CCM2: variants seen among roughly 807,000 people sequenced by gnomAD.
CCM2 encodes cerebral cavernous malformations 2 protein.
CCM2 carries 25 observed loss-of-function variants against 44.9 expected under a neutral mutation model. That is an observed-to-expected ratio of 0.56 (90% CI 0.41 to 0.78). The LOEUF (loss-of-function observed/expected upper bound fraction) is 0.78. CCM2 is among the 30% of genes least tolerant of loss of function. CCM2 has a pLI of 0.00. For missense variants in CCM2, 481 were observed against 580.6 expected (o/e 0.83, Z 1.76); for synonymous variants, 219 against 241.1 (o/e 0.91, Z 0.85).
chr7:45,055,227 T>C lies in CCM2; in HGVS notation c.205-8691T>C, dbSNP rs113347521. 6.5e-3 allele frequency among the ~76,000 whole-genome samples: 994 copies of C among 152,330 alleles called. 16 individuals carry two copies. The highest frequency in any genetic ancestry group is 0.023 in the African/African-American group (937 of 41,558). On this transcript the variant is annotated intron_variant, in intron 2 of 9. Transcript: ENST00000258781. ...TGTAAACATAATTCCGGGGTACTTT[T>C]GTTTCAGCAAAGCACTTGACATATG... is the stretch of plus-strand genomic sequence containing the variant.
chr7:45,005,565 G>A (rs1219368411), intron 1 of CCM2, among the ~76,000 whole-genome samples: 1 of 152,032 alleles, frequency 6.6e-6, no homozygotes, highest in Non-Finnish European at 1.5e-5. Context: ...TGCAGTGTAA[G>A]TAAATGGTCA....
intron 1 of CCM2, among the ~76,000 whole-genome samples, chr7:45,020,761 TGTTAA>T (rs1225916479): frequency 1.3e-5 from 2 of 152,190 alleles, no homozygotes; most frequent in Non-Finnish European, 2.9e-5. Context: ...AAAATGAACT[TGTTAA>T]GTTTTCTTAC....
chr7:45,073,626 A>T, intron 8 of CCM2, 55 bp downstream of exon 8: 1 of 1,240,744 alleles, frequency 8.1e-7, no homozygotes, highest in Non-Finnish European at 1.2e-6. Flanking sequence ...TGCCCCAGGG[A>T]GGATGGGGGG....
intron 1 of CCM2, among the ~76,000 whole-genome samples, chr7:45,034,603 C>T (rs1007589332): frequency 3.4e-5 from 5 of 148,146 alleles, no homozygotes; most frequent in Non-Finnish European, 7.4e-5. Flanking sequence ...ACTGCAACCT[C>T]CGCTTCCCCG....
chr7:45,076,190 C>T lies in CCM2; in HGVS notation c.*133C>T, dbSNP rs773864059. 31 of 1,274,144 alleles carry T rather than the reference C, an allele frequency of 2.4e-5. No individual in the cohort carries two copies. Among genetic ancestry groups the T allele is most frequent in the South Asian group, 6.4e-5 (5 of 78,718 alleles). 78.9% of individuals were successfully genotyped at this position (1,274,144 alleles called of 1,614,324 possible). A position where few individuals can be genotyped will look rare whatever the true frequency, so the allele number is the denominator to read the frequency against. On this transcript the variant is annotated 3_prime_UTR_variant, in exon 10 of 10. Coordinates refer to ENST00000258781, the MANE Select transcript of CCM2 (RefSeq NM_031443.4). ...GGCGCCCGGTGCAGATGGCCCCGGG[C>T]GGCCCAGGTCCTCTACTGTGAAGGA...
intron 1 of CCM2, among the ~76,000 whole-genome samples, chr7:45,033,791 G>A (rs560517753): frequency 2.8e-5 from 3 of 107,510 alleles, no homozygotes; most frequent in African/African-American, 1.2e-4. Context: ...ATACACATTT[G>A]AAAAGTAATT....
Position 45,068,555 on chromosome 7 carries a change from G to C in CCM2, c.585G>C (p.Leu195=). The part of the protein sequence containing the change: ...SAVGPVEACC[L]VILAAESKVA... The stretch of plus-strand genomic sequence containing the variant: ...TTGGGCCCGTGGAGGCATGCTGCCT[G>C]GTCATCCTGGCTGCAGAGAGCAAGG... Residue 195 remains leucine, a synonymous_variant, in exon 5 of 10, where the codon CTG becomes CTC. Transcript: ENST00000258781. The C allele has an allele frequency of 6.2e-7, 1 of 1,614,076 alleles. No homozygotes were observed. The highest frequency in any genetic ancestry group is 8.5e-7 in the Non-Finnish European group (1 of 1,180,012).
At chr7:45,024,480 T>G (rs1002100880) in intron 1 of CCM2, among the ~76,000 whole-genome samples, 2 of 152,230 alleles carry the variant, frequency 1.3e-5, no homozygotes, top group Admixed American at 6.5e-5. Context: ...TTTTCTCTGC[T>G]TCCTGGGTTG....
intron 1 of CCM2, among the ~76,000 whole-genome samples, chr7:45,005,954 G>C (rs1262561968): frequency 6.6e-6 from 1 of 152,206 alleles, no homozygotes; most frequent in Non-Finnish European, 1.5e-5. Flanking sequence ...CACTGGAGGT[G>C]TTCCACATCA....
rs1799236767 is a variant in CCM2 at position 45,074,337 on chromosome 7, G to A, written c.983G>A (p.Gly328Glu). ...GCACTGCTGCACGAGTACCGCAATG[G>A]GGCCTCTATCCACGAGTTCTGCATC... Reference protein sequence around the residue: ...FAALLHEYRNGASIHEFCINL... With the variant: ...FAALLHEYRNEASIHEFCINL... The change falls in exon 9 of 10, where the codon GGG (glycine) becomes GAG (glutamate). Residue 328 changes from glycine to glutamate, a missense_variant. Coordinates refer to ENST00000258781, the MANE Select transcript of CCM2 (RefSeq NM_031443.4). The A allele has an allele frequency of 6.2e-7, 1 of 1,613,686 alleles. No homozygotes were observed. Among genetic ancestry groups the A allele is most frequent in the Non-Finnish European group, 8.5e-7 (1 of 1,180,042 alleles).
At chr7:45,052,473 T>G (rs975090562) in intron 2 of CCM2, among the ~76,000 whole-genome samples, 119 of 152,148 alleles carry the variant, frequency 7.8e-4, no homozygotes, top group African/African-American at 2.8e-3. Flanking sequence ...TCAGAACAGG[T>G]CCGCTGGGAA....
intron 1 of CCM2, among the ~76,000 whole-genome samples, chr7:45,033,917 T>C (rs1353419721): frequency 6.6e-6 from 1 of 152,186 alleles, no homozygotes; most frequent in Non-Finnish European, 1.5e-5. Context: ...TAAAATTGCA[T>C]CACTAAATTT....
At chr7:45,009,203 A>G (rs950668020) in intron 1 of CCM2, among the ~76,000 whole-genome samples, 4 of 147,938 alleles carry the variant, frequency 2.7e-5, no homozygotes, top group South Asian at 2.3e-4. Context: ...CCAGAGGCTG[A>G]GGCAGGAGAA....
At chr7:45,066,901 ATTTT>A (rs34087646) in intron 4 of CCM2, among the ~76,000 whole-genome samples, 1 of 143,712 alleles carries the variant, frequency 7.0e-6, no homozygotes, top group Non-Finnish European at 1.5e-5. Context: ...AAACCAGTAA[ATTTT>A]TTTTTTTTTT....
intron 1 of CCM2, chr7:45,027,120 G>T: frequency 5.7e-6 from 1 of 175,474 alleles, no homozygotes; most frequent in Non-Finnish European, 1.2e-5. Context: ...GCACTTGTAG[G>T]CTGAGGACCC....
At position 45,000,279 on chromosome 7, in the gene CCM2, G is replaced by A; in HGVS notation, c.-55G>A. The A allele has an allele frequency of 1.7e-6, 2 of 1,168,620 alleles. No individual in the cohort carries two copies. Among genetic ancestry groups the A allele is most frequent in the Non-Finnish European group, 2.1e-6 (2 of 936,750 alleles). 72.4% of individuals were successfully genotyped at this position (1,168,620 alleles called of 1,614,324 possible). ...CCGGGTCGAGCATGTAGCGGCTGCT[G>A]GCGGCGGGGCTCCCGGGGCGGGCCG... On this transcript the variant is annotated 5_prime_UTR_variant, in exon 1 of 10. Transcript: ENST00000258781.
rs1467399568 is a variant in CCM2 at position 45,076,410 on chromosome 7, T to C, written c.*353T>C. On this transcript the variant is annotated 3_prime_UTR_variant, in exon 10 of 10. Transcript: ENST00000258781. ...GCACATGATGTTCCTATTGTAACTCTCAGAGACCTTAAAAAGAAGTTTACT... is the reference window on the plus strand; with the variant it reads ...GCACATGATGTTCCTATTGTAACTCCCAGAGACCTTAAAAAGAAGTTTACT... 2 of 427,974 alleles carry C rather than the reference T, an allele frequency of 4.7e-6. No individual in the cohort carries two copies. The highest frequency in any genetic ancestry group is 8.9e-6 in the Non-Finnish European group (2 of 225,102). 26.5% of individuals were successfully genotyped at this position (427,974 alleles called of 1,614,324 possible).
chr7:45,019,213 A>G lies in CCM2; in HGVS notation c.30+18850A>G, dbSNP rs544719048. ...CAGCCTCCTGAGTAGCCGGGACTAC[A>G]GGCATGCACCACTGTGCCCGGCTAA... On this transcript the variant is annotated intron_variant, in intron 1 of 9. Coordinates refer to ENST00000258781, the MANE Select transcript of CCM2 (RefSeq NM_031443.4). 2.6e-5 allele frequency among the ~76,000 whole-genome samples: 4 copies of G among 152,218 alleles called. No individual in the cohort carries two copies. In the East Asian group the frequency reaches 7.7e-4, roughly 29 times the overall value.
intron 2 of CCM2, among the ~76,000 whole-genome samples, chr7:45,050,098 C>T (rs552627459): frequency 6.6e-6 from 1 of 152,306 alleles, no homozygotes; most frequent in Non-Finnish European, 1.5e-5. Context: ...GCTGTCTTAA[C>T]ATTGTAGCAC....
Sources: gnomAD v4.1 joint callset for allele counts (sites outside exome capture counted in the v4.1 genomes callset) on GRCh38, gnomAD v4.1.1 for gene constraint, MANE v1.5 for transcripts, NCBI Gene and HGNC (gene_info 2026-07-23, HGNC 2026-07-21) for gene names.